Variants in RIMS4 observed in about 807,000 individuals in gnomAD.
The protein encoded by RIMS4 is regulating synaptic membrane exocytosis protein 4.
RIMS4 carries 9 observed loss-of-function variants against 29.0 expected under a neutral mutation model. That is an observed-to-expected ratio of 0.31 (90% CI 0.19 to 0.54). The LOEUF (loss-of-function observed/expected upper bound fraction) is 0.54. Ranked by LOEUF, RIMS4 falls within the 20% of genes least tolerant of loss-of-function variation. The pLI, the probability that RIMS4 is intolerant of heterozygous loss-of-function variation, is 0.94. For synonymous variants in RIMS4, 130 were observed against 152.9 expected (o/e 0.85, Z 1.10); for missense variants, 193 against 365.7 (o/e 0.53, Z 3.85).
At chr20:44,809,121 C>T (rs1384358968) in intron 1 of RIMS4, among the ~76,000 whole-genome samples, 2 of 152,136 alleles carry the variant, frequency 1.3e-5, no homozygotes, top group African/African-American at 4.8e-5. Context: ...ATACGATGAT[C>T]CCCATTTCAG....
At chr20:44,786,226 T>C (rs1301253197) in intron 1 of RIMS4, among the ~76,000 whole-genome samples, 2 of 152,178 alleles carry the variant, frequency 1.3e-5, no homozygotes, top group Non-Finnish European at 2.9e-5. Flanking sequence ...AGGCAGAAGC[T>C]GAAATATGGA....
At chr20:44,786,961 C>T (rs1372015881) in intron 1 of RIMS4, among the ~76,000 whole-genome samples, 13 of 152,116 alleles carry the variant, frequency 8.5e-5, no homozygotes, top group Admixed American at 3.3e-4. Flanking sequence ...CAAGGAAAAA[C>T]GAACTGTCCT....
At chr20:44,770,567 C>T (rs981547975) in intron 2 of RIMS4, among the ~76,000 whole-genome samples, 2 of 151,998 alleles carry the variant, frequency 1.3e-5, no homozygotes, top group African/African-American at 4.8e-5. Context: ...AGGGTAAAAG[C>T]TTTTTAACAG....
chr20:44,780,856 G>A (rs750425625), intron 1 of RIMS4, among the ~76,000 whole-genome samples: 10 of 152,170 alleles, frequency 6.6e-5, no homozygotes, highest in Non-Finnish European at 1.5e-4. Flanking sequence ...TGAAGTGAGT[G>A]AAAGCAAGAG....
intron 2 of RIMS4, among the ~76,000 whole-genome samples, chr20:44,764,115 TATCCATCCATCC>T (rs763540471): frequency 2.4e-5 from 1 of 40,846 alleles, no homozygotes; most frequent in African/African-American, 9.6e-5. Context: ...TCCATCCATT[TATCCATCCATCC>T]ATCCATCCAT....
chr20:44,782,297 T>C (rs1347199934), intron 1 of RIMS4, among the ~76,000 whole-genome samples: 1 of 152,224 alleles, frequency 6.6e-6, no homozygotes, highest in East Asian at 1.9e-4. Flanking sequence ...GATGGACTTT[T>C]GCTCTGTGGC....
chr20:44,780,365 G>A (rs2145461789), intron 1 of RIMS4, among the ~76,000 whole-genome samples: 1 of 152,334 alleles, frequency 6.6e-6, no homozygotes, highest in African/African-American at 2.4e-5. Flanking sequence ...GGTGCTGACT[G>A]AGCACAGAGG....
chr20:44,807,080 AACAC>A (rs3042702), intron 1 of RIMS4, among the ~76,000 whole-genome samples: 27,830 of 152,022 alleles, frequency 0.18, 3,087 homozygotes, highest in East Asian at 0.25. Context: ...TGGGCAACAA[AACAC>A]ACACACAAAA....
intron 1 of RIMS4, among the ~76,000 whole-genome samples, chr20:44,803,371 T>TTAG (rs1450782923): frequency 6.6e-6 from 1 of 152,200 alleles, no homozygotes; most frequent in Non-Finnish European, 1.5e-5. Context: ...AATGAGGAAA[T>TTAG]GGGCTAGATG....
chr20:44,806,649 T>C (rs1408883777), intron 1 of RIMS4, among the ~76,000 whole-genome samples: 1 of 152,208 alleles, frequency 6.6e-6, no homozygotes, highest in Non-Finnish European at 1.5e-5. Flanking sequence ...AGTAATAAGA[T>C]AGATAACAGC....
intron 1 of RIMS4, among the ~76,000 whole-genome samples, chr20:44,773,611 G>A (rs368095479): frequency 4.9e-4 from 74 of 152,068 alleles, no homozygotes; most frequent in South Asian, 2.1e-3. Context: ...CCCCCACCCC[G>A]GATCCATCTC....
intron 1 of RIMS4, among the ~76,000 whole-genome samples, chr20:44,782,320 G>A (rs1053111944): frequency 6.6e-5 from 10 of 152,170 alleles, no homozygotes; most frequent in African/African-American, 2.4e-4. Context: ...ATACTGGAGT[G>A]CAGTGGCACA....
chr20:44,769,314 G>A (rs1207889532), intron 2 of RIMS4, among the ~76,000 whole-genome samples: 1 of 152,156 alleles, frequency 6.6e-6, no homozygotes, highest in East Asian at 1.9e-4. Context: ...TCTATAAAAC[G>A]GAAATGCAGG....
chr20:44,801,891 C>G (rs1309594295), intron 1 of RIMS4, among the ~76,000 whole-genome samples: 2 of 152,190 alleles, frequency 1.3e-5, no homozygotes, highest in Non-Finnish European at 2.9e-5. Flanking sequence ...AGATATCCCA[C>G]GTTGGCAAGA....
chr20:44,806,705 C>G (rs2066300129), intron 1 of RIMS4, among the ~76,000 whole-genome samples: 1 of 152,224 alleles, frequency 6.6e-6, no homozygotes, highest in Non-Finnish European at 1.5e-5. Flanking sequence ...TGTACTAAGA[C>G]TTCTGCACAG....
At chr20:44,782,240 TACAGA>T (rs2066187589) in intron 1 of RIMS4, among the ~76,000 whole-genome samples, 1 of 152,326 alleles carries the variant, frequency 6.6e-6, no homozygotes, top group South Asian at 2.1e-4. Flanking sequence ...TTCAGTGGCT[TACAGA>T]ACAAAGTTCT....
intron 1 of RIMS4, among the ~76,000 whole-genome samples, chr20:44,806,847 T>C (rs1470549008): frequency 6.6e-6 from 1 of 152,206 alleles, no homozygotes; most frequent in Admixed American, 6.5e-5. Flanking sequence ...AGTTTTCTCA[T>C]CTGAAAATGG....
chr20:44,770,262 C>G (rs1045842444), intron 2 of RIMS4, among the ~76,000 whole-genome samples: 1 of 152,162 alleles, frequency 6.6e-6, no homozygotes, highest in Admixed American at 6.5e-5. Flanking sequence ...TGGTAACACA[C>G]TTCATGATGC....
intron 1 of RIMS4, among the ~76,000 whole-genome samples, chr20:44,805,243 T>A (rs548070076): frequency 1.3e-5 from 2 of 152,020 alleles, no homozygotes; most frequent in East Asian, 3.9e-4. Flanking sequence ...GAGGTAGAGA[T>A]GGCAGCGAGC....
Sources: allele counts gnomAD v4.1 joint callset (sites outside exome capture counted in the v4.1 genomes callset), GRCh38; gene constraint gnomAD v4.1.1; transcripts MANE v1.5; gene names NCBI Gene and HGNC (gene_info 2026-07-23, HGNC 2026-07-21).